Variants in SLC35D4 observed in about 807,000 individuals in gnomAD.
SLC35D4 encodes the protein UDP-N-acetylglucosamine transporter SLC35D4.
At chr18:23,287,582 C>A in the SLC35D4 span, among the ~76,000 whole-genome samples, 1 of 152,214 alleles carries the variant, frequency 6.6e-6, no homozygotes, top group Non-Finnish European at 1.5e-5. Context: ...CCTTTCCTTC[C>A]TGGGCATGGT....
At chr18:23,371,926 G>GTTTTTTTTTT in the SLC35D4 span, among the ~76,000 whole-genome samples, 17 of 11,838 alleles carry the variant, frequency 1.4e-3, 1 homozygote, top group African/African-American at 3.8e-3. Flanking sequence ...TTTCTTCCTT[G>GTTTTTTTTTT]TTTTTTTTGT....
At chr18:23,331,924 T>C in the SLC35D4 span, among the ~76,000 whole-genome samples, 4 of 149,516 alleles carry the variant, frequency 2.7e-5, no homozygotes, top group African/African-American at 1.0e-4. Context: ...CTTGCTCTGT[T>C]GCCCAGGGTA....
the SLC35D4 span, chr18:23,399,432 A>G: frequency 1.3e-6 from 1 of 783,968 alleles, no homozygotes. Context: ...TCAACTCAAC[A>G]AAAGGGAGTA....
the SLC35D4 span, among the ~76,000 whole-genome samples, chr18:23,241,992 C>T: frequency 1.1e-4 from 17 of 152,220 alleles, no homozygotes; most frequent in African/African-American, 3.9e-4. Context: ...AAAAAAATTC[C>T]GGGCCAGGTG....
the SLC35D4 span, among the ~76,000 whole-genome samples, chr18:23,312,660 C>T: frequency 5.9e-5 from 9 of 152,264 alleles, no homozygotes; most frequent in South Asian, 4.1e-4. Flanking sequence ...CTCCCCAGCA[C>T]GTGGTTTCTA....
chr18:23,369,307 C>T, the SLC35D4 span, among the ~76,000 whole-genome samples: 3 of 152,220 alleles, frequency 2.0e-5, no homozygotes, highest in Non-Finnish European at 4.4e-5. Flanking sequence ...TCCCTTCAGA[C>T]CTTTTCTCTT....
At chr18:23,371,120 G>C in the SLC35D4 span, among the ~76,000 whole-genome samples, 40 of 144,504 alleles carry the variant, frequency 2.8e-4, no homozygotes, top group East Asian at 6.7e-3. Flanking sequence ...TTTTTGACAG[G>C]GTTTCCCTCT....
At chr18:23,429,551 T>C in the SLC35D4 span, among the ~76,000 whole-genome samples, 2 of 152,114 alleles carry the variant, frequency 1.3e-5, no homozygotes, top group African/African-American at 4.8e-5. Flanking sequence ...TTTTTTTGTA[T>C]TTTTAGTAGA....
At chr18:23,384,824 G>A in the SLC35D4 span, among the ~76,000 whole-genome samples, 1 of 152,180 alleles carries the variant, frequency 6.6e-6, no homozygotes, top group Non-Finnish European at 1.5e-5. Flanking sequence ...GTGAATTGCA[G>A]CAAAGTCAAA....
chr18:23,341,524 G>A, the SLC35D4 span, among the ~76,000 whole-genome samples: 1 of 152,182 alleles, frequency 6.6e-6, no homozygotes, highest in Non-Finnish European at 1.5e-5. Flanking sequence ...ACATAAGCCC[G>A]ATTCTCCTCT....
At chr18:23,298,886 C>T in the SLC35D4 span, among the ~76,000 whole-genome samples, 1 of 152,160 alleles carries the variant, frequency 6.6e-6, no homozygotes, top group East Asian at 1.9e-4. Context: ...TACCCAACAC[C>T]CCAGCCCTTC....
At chr18:23,261,364 A>G in the SLC35D4 span, among the ~76,000 whole-genome samples, 1 of 152,122 alleles carries the variant, frequency 6.6e-6, no homozygotes. Context: ...GGGCAGGCAC[A>G]GTGGCTCACA....
At chr18:23,245,832 C>T in the SLC35D4 span, among the ~76,000 whole-genome samples, 11 of 152,346 alleles carry the variant, frequency 7.2e-5, no homozygotes, top group South Asian at 2.1e-4. Context: ...GCTCCATGAG[C>T]GGAATGAGCA....
the SLC35D4 span, among the ~76,000 whole-genome samples, chr18:23,323,394 G>T: frequency 6.6e-6 from 1 of 152,144 alleles, no homozygotes; most frequent in Admixed American, 6.5e-5. Flanking sequence ...TTGCCCATTA[G>T]GTAAAACCCT....
the SLC35D4 span, chr18:23,421,381 G>T: frequency 6.2e-7 from 1 of 1,613,926 alleles, no homozygotes; most frequent in Admixed American, 1.7e-5. Flanking sequence ...AACTGCTGTT[G>T]ATCTCTACCC....
chr18:23,243,061 ATATT>A, the SLC35D4 span, among the ~76,000 whole-genome samples: 1 of 150,038 alleles, frequency 6.7e-6, no homozygotes. Flanking sequence ...ACATACTCAT[ATATT>A]TATTATAATT....
chr18:23,246,279 A>G, the SLC35D4 span, among the ~76,000 whole-genome samples: 1 of 151,880 alleles, frequency 6.6e-6, no homozygotes, highest in Non-Finnish European at 1.5e-5. Context: ...AAAAAAAAAG[A>G]AAACAGTGGT....
At chr18:23,258,665 G>A in the SLC35D4 span, 19 of 152,306 alleles carry the variant, frequency 1.2e-4, no homozygotes, top group African/African-American at 3.1e-4. Context: ...ACCTGTATGC[G>A]TTTGTGTAGA....
At chr18:23,277,014 G>A in the SLC35D4 span, among the ~76,000 whole-genome samples, 1 of 152,188 alleles carries the variant, frequency 6.6e-6, no homozygotes, top group Non-Finnish European at 1.5e-5. Context: ...AATCTTACTG[G>A]TTTAAACTAA....
Sources: allele counts gnomAD v4.1 joint callset (sites outside exome capture counted in the v4.1 genomes callset), GRCh38; gene constraint gnomAD v4.1.1; transcripts MANE v1.5; gene names NCBI Gene and HGNC (gene_info 2026-07-23, HGNC 2026-07-21).